PRDM7: variants seen among roughly 807,000 people sequenced by gnomAD.
PRDM7 encodes the protein PR/SET domain 7.
Under a neutral mutation model 64.3 loss-of-function variants are expected in PRDM7, and 52 were observed. That is an observed-to-expected ratio of 0.81 (90% confidence interval 0.65 to 1.02). The LOEUF is 1.02. Ranked by LOEUF, PRDM7 falls within the 50% of genes least tolerant of loss-of-function variation. The pLI, the probability that PRDM7 is intolerant of heterozygous loss-of-function variation, is 0.00. For missense variants in PRDM7, 574 were observed against 597.1 expected (o/e 0.96, Z 0.40); for synonymous variants, 192 against 210.1 (o/e 0.91, Z 0.74).
At chr16:90,061,125 G>GT (rs1223085495) in intron 9 of PRDM7, among the ~76,000 whole-genome samples, 2 of 152,186 alleles carry the variant, frequency 1.3e-5, no homozygotes, top group African/African-American at 4.8e-5. Flanking sequence ...TGTTCAAGTA[G>GT]TGAACTTCAC....
At chr16:90,066,411 C>A (rs11646697) in intron 5 of PRDM7, among the ~76,000 whole-genome samples, 7,047 of 151,246 alleles carry the variant, frequency 0.047, 316 homozygotes, top group East Asian at 0.15. Flanking sequence ...ATGGGTAAGA[C>A]AGCATAAACT....
chr16:90,070,347 C>T (rs749367220), intron 4 of PRDM7, among the ~76,000 whole-genome samples: 6 of 150,740 alleles, frequency 4.0e-5, no homozygotes, highest in Non-Finnish European at 8.8e-5. Context: ...AATCCCAGCA[C>T]TTTGGGAGGC....
At position 90,075,148 on chromosome 16, in the gene PRDM7, C is replaced by T. The variant is rs529278196; in HGVS notation, c.194-125G>A. ...TCTGATGAGCTGGGAGAGTCTTGAA[C>T]AAGGTCAAGATGTGACCTCTGCATG... On this transcript the variant is annotated intron_variant, in intron 3 of 10. Coordinates refer to ENST00000449207, the MANE Select transcript of PRDM7 (RefSeq NM_001098173.2). The surrounding 1 kb of genome is among the most constrained non-coding windows in gnomAD (Gnocchi z 4.3). 5 of 1,358,216 alleles carry T rather than the reference C, an allele frequency of 3.7e-6. No individual in the cohort carries two copies. The highest frequency in any genetic ancestry group is 1.9e-5 in the Admixed American group (1 of 51,740). 84.1% of individuals were successfully genotyped at this position (1,358,216 alleles called of 1,614,324 possible).
chr16:90,071,218 G>A (rs1382545326), intron 4 of PRDM7, among the ~76,000 whole-genome samples: 2 of 151,250 alleles, frequency 1.3e-5, no homozygotes, highest in African/African-American at 2.4e-5. Context: ...TGCAACCTCT[G>A]TCTCCCGGGT....
rs1334461086 is a variant in PRDM7, at chr16:90,057,675, G to A, written c.*614C>T. On this transcript the variant is annotated 3_prime_UTR_variant, in exon 11 of 11. Transcript: ENST00000449207. ...TTCCTCAACTCTAGTCATGAAAGTG[G>A]CGGATTTGTTTAATTAGTTATTTCC... 10 of 1,142,144 alleles carry A rather than the reference G, an allele frequency of 8.8e-6. No individual in the cohort carries two copies. The highest frequency in any genetic ancestry group is 1.1e-5 in the Non-Finnish European group (10 of 901,354). 70.8% of individuals were successfully genotyped at this position (1,142,144 alleles called of 1,614,324 possible).
chr16:90,063,816 T>C (rs1170078142), intron 5 of PRDM7, 48 bp from the exon 6 acceptor site: 1 of 1,601,936 alleles, frequency 6.2e-7, no homozygotes, highest in East Asian at 2.2e-5. Context: ...ATTTATTTAG[T>C]TCTTTACGGC....
chr16:90,066,728 G>T, intron 5 of PRDM7, 133 bp downstream of exon 5: 1 of 741,028 alleles, frequency 1.3e-6, no homozygotes, highest in Non-Finnish European at 2.3e-6. Context: ...TAATGATGAT[G>T]GCAGACACTG....
chr16:90,071,426 G>A (rs1453004624), intron 4 of PRDM7, among the ~76,000 whole-genome samples: 1 of 152,190 alleles, frequency 6.6e-6, no homozygotes, highest in African/African-American at 2.4e-5. Flanking sequence ...ACTGTGCCTG[G>A]CCCAGAGTGG....
At chr16:90,074,206 GTT>G (rs1376586704) in intron 4 of PRDM7, among the ~76,000 whole-genome samples, 1 of 151,906 alleles carries the variant, frequency 6.6e-6, no homozygotes, top group East Asian at 2.0e-4. Flanking sequence ...GCTGCAGTGA[GTT>G]ATGATTGTGC....
In PRDM7 at chr16:90,062,394, C is replaced by G; in HGVS notation, c.610+7G>C. The stretch of plus-strand genomic sequence containing the variant: ...AAGCTGTGTGAGTGGCTGAAAGGGT[C>G]ACTCACAGAGGTAGTCATCATCCTG... On this transcript the variant is annotated splice_region_variant and intron_variant, in intron 7 of 10. Coordinates refer to ENST00000449207, the MANE Select transcript of PRDM7 (RefSeq NM_001098173.2). 1 of 1,613,884 alleles carries G rather than the reference C, an allele frequency of 6.2e-7. No homozygotes were observed. The highest frequency in any genetic ancestry group is 8.5e-7 in the Non-Finnish European group (1 of 1,179,802).
In PRDM7 at chr16:90,075,203, C is replaced by T. The variant is rs114543718; in HGVS notation, c.193+148G>A. On this transcript the variant is annotated intron_variant, in intron 3 of 10. Coordinates refer to ENST00000449207, the MANE Select transcript of PRDM7 (RefSeq NM_001098173.2). This position sits in a 1 kb window ranked among gnomAD's most constrained non-coding sequence, Gnocchi z 4.3. Reference sequence around the variant, plus strand: ...GTATCCACACACAACCCTGCACTGACGCAAAAGAACAATATTTCCCTCCAG... The same window carrying T: ...GTATCCACACACAACCCTGCACTGATGCAAAAGAACAATATTTCCCTCCAG... The T allele has an allele frequency of 4.9e-3, 7,214 of 1,486,006 alleles. 329 individuals carry two copies. In the African/African-American group the frequency reaches 0.089, roughly 18 times the overall value. 92.1% of individuals were successfully genotyped at this position (1,486,006 alleles called of 1,614,324 possible).
intron 5 of PRDM7, among the ~76,000 whole-genome samples, chr16:90,064,401 G>GGTTTTGTTTT (rs557278988): frequency 2.4e-4 from 34 of 142,530 alleles, no homozygotes; most frequent in African/African-American, 8.2e-4. Flanking sequence ...TGGCATACAT[G>GGTTTTGTTTT]GTTTTGTTTT....
chr16:90,063,931 C>G (rs2037827637), intron 5 of PRDM7, among the ~76,000 whole-genome samples, 163 bp from the exon 6 acceptor site: 1 of 152,166 alleles, frequency 6.6e-6, no homozygotes, highest in Non-Finnish European at 1.5e-5. Context: ...GGTAGTGAAT[C>G]TGGGACTCTA....
At chr16:90,062,246 T>G in intron 7 of PRDM7, 54 bp from the exon 8 acceptor site, 1 of 1,614,174 alleles carries the variant, frequency 6.2e-7, no homozygotes, top group South Asian at 1.1e-5. Flanking sequence ...TTCCTTGATA[T>G]AAGAGCTTCA....
At position 90,057,850 on chromosome 16, in the gene PRDM7, C is replaced by A; in HGVS notation, c.*439G>T. 2 of 1,511,512 alleles carry A rather than the reference C, an allele frequency of 1.3e-6. No homozygotes were observed. Among genetic ancestry groups the A allele is most frequent in the Admixed American group, 3.5e-5 (2 of 56,628 alleles). The allele number at this position is 1,511,512 out of a possible 1,614,324, so 93.6% of individuals were successfully genotyped here. ...TATTACTAATGACTTACTCATCCTT[C>A]CTGCAGACTGGGGCGTCTCCCCTGT... On this transcript the variant is annotated 3_prime_UTR_variant, in exon 11 of 11. Transcript: ENST00000449207.
chr16:90,058,119 T>C lies in PRDM7; in HGVS notation c.*170A>G. On this transcript the variant is annotated 3_prime_UTR_variant, in exon 11 of 11. Transcript: ENST00000449207. Reference sequence around the variant, plus strand: ...ACTCTCCATATTTGACTTTCGCAATTCTTGAGATTCCTACCCCCACAAATA... The same window carrying C: ...ACTCTCCATATTTGACTTTCGCAATCCTTGAGATTCCTACCCCCACAAATA... 3 of 1,614,174 alleles carry C rather than the reference T, an allele frequency of 1.9e-6. No homozygotes were observed. The highest frequency in any genetic ancestry group is 2.5e-6 in the Non-Finnish European group (3 of 1,180,000).
At chr16:90,061,556 G>T in intron 8 of PRDM7, 37 bp from the exon 9 acceptor site, 1 of 1,549,990 alleles carries the variant, frequency 6.5e-7, no homozygotes, top group South Asian at 1.1e-5. Context: ...CTTTTTAGAG[G>T]GTAAAAATCC....
At chr16:90,071,595 A>C (rs2037956469) in intron 4 of PRDM7, among the ~76,000 whole-genome samples, 1 of 96,266 alleles carries the variant, frequency 1.0e-5, no homozygotes, top group Non-Finnish European at 2.3e-5. Context: ...GGAAGGGCCC[A>C]ACTCATCCTT....
intron 4 of PRDM7, among the ~76,000 whole-genome samples, chr16:90,067,635 GGCTGGAGTGCAGGGGCGCGAGGTCGGCTC>G (rs2037897354): frequency 7.2e-6 from 1 of 139,568 alleles, no homozygotes; most frequent in African/African-American, 2.7e-5. Context: ...CTGTCACCCA[GGCTGGAGTGCAGGGGCGCGAGGTCGGCTC>G]ACTGCAAGCT....
Sources: allele counts gnomAD v4.1 joint callset (sites outside exome capture counted in the v4.1 genomes callset), GRCh38; gene constraint gnomAD v4.1.1; non-coding constraint Gnocchi (gnomAD v3.1); transcripts MANE v1.5; gene names NCBI Gene and HGNC (gene_info 2026-07-23, HGNC 2026-07-21).